The following CADM1 variants were observed in gnomAD, a reference collection of about 807,000 sequenced individuals.
CADM1 encodes the protein cell adhesion molecule 1.
A neutral mutation model predicts 53.1 loss-of-function variants in CADM1; 15 were observed. The observed-to-expected ratio is 0.28, with a 90% confidence interval of 0.19 to 0.44. The LOEUF (loss-of-function observed/expected upper bound fraction) is 0.44. Among genes scored for constraint, CADM1 ranks in the 20% least tolerant of loss-of-function variants. The probability of loss-of-function intolerance (pLI) is 1.00; values close to 1 mark genes in which losing one functional copy is unlikely to be tolerated. For missense variants in CADM1, 434 were observed against 611.3 expected, an observed-to-expected ratio of 0.71 and a Z score of 3.06; for synonymous variants, 281 against 243.0, an observed-to-expected ratio of 1.16 and a Z score of -1.45.
chr11:115,452,842 A>G (rs1422655636), intron 1 of CADM1, among the ~76,000 whole-genome samples: 4 of 152,186 alleles, frequency 2.6e-5, no homozygotes, highest in African/African-American at 7.2e-5. Flanking sequence ...GGTAAAATCT[A>G]TTATACTTTG....
intron 1 of CADM1, chr11:115,240,936 T>TGTGA (rs1435778659): frequency 6.1e-6 from 1 of 162,926 alleles, no homozygotes; most frequent in African/African-American, 2.4e-5. Context: ...GTTCATCGTG[T>TGTGA]GTGAGTGAGT....
chr11:115,328,197 C>A, intron 1 of CADM1, among the ~76,000 whole-genome samples: 1 of 151,928 alleles, frequency 6.6e-6, no homozygotes, highest in Non-Finnish European at 1.5e-5. Context: ...GAACGAAAAT[C>A]CAAATTAACC....
chr11:115,299,167 C>T lies in CADM1; in HGVS notation c.125-58747G>A, dbSNP rs573795370. ...TGGGCCTGACTGCCCGTGAAGTTCA[C>T]TGCTATTGCAGTGCTAAATGGGCAT... On this transcript the variant is annotated intron_variant, in intron 1 of 11. Transcript: ENST00000331581. 9.2e-5 allele frequency among the ~76,000 whole-genome samples: 14 copies of T among 152,316 alleles called. No homozygotes were observed. In the South Asian group the frequency reaches 2.7e-3, roughly 29 times the overall value.
At position 115,349,947 on chromosome 11, in the gene CADM1, C is replaced by T. The variant is rs149639178; in HGVS notation, c.125-109527G>A. Among the ~76,000 whole-genome samples the T allele has an allele frequency of 3.0e-3, 461 of 152,228 alleles. 3 individuals carry two copies. The highest frequency in any genetic ancestry group is 0.01 in the African/African-American group (436 of 41,554). ...AATTAGTCTTCATTTGTTTCATAGC[C>T]TTACCATCTTTTTCTTTGTTTGTTT... On this transcript the variant is annotated intron_variant, in intron 1 of 11. Transcript: ENST00000331581.
chr11:115,176,398 G>A lies in CADM1; in HGVS notation c.*76C>T, dbSNP rs898686354. 9.4e-6 allele frequency: 15 copies of A among 1,599,984 alleles called. No homozygotes were observed. The highest frequency in any genetic ancestry group is 1.7e-5 in the Admixed American group (1 of 59,498). ...TCATAAAAAAACACACGAATTTCTC[G>A]CAAGTTCCAATATCACTGTCTCTTT... On this transcript the variant is annotated 3_prime_UTR_variant, in exon 12 of 12. Transcript: ENST00000331581.
chr11:115,253,350 G>A (rs1942668629), intron 1 of CADM1, among the ~76,000 whole-genome samples: 1 of 152,128 alleles, frequency 6.6e-6, no homozygotes, highest in African/African-American at 2.4e-5. Flanking sequence ...CAGGTATTGA[G>A]ACCTTTCCTG....
At chr11:115,254,829 T>G (rs1942730037) in intron 1 of CADM1, among the ~76,000 whole-genome samples, 1 of 152,304 alleles carries the variant, frequency 6.6e-6, no homozygotes, top group African/African-American at 2.4e-5. Context: ...AGATATTGAA[T>G]GACATTGCAT....
At chr11:115,438,247 C>G (rs566635306) in intron 1 of CADM1, among the ~76,000 whole-genome samples, 1 of 152,198 alleles carries the variant, frequency 6.6e-6, no homozygotes, top group Admixed American at 6.5e-5. Flanking sequence ...TCTGCTTGGT[C>G]CATTTTGGGA....
chr11:115,431,740 G>A (rs1187186711), intron 1 of CADM1, among the ~76,000 whole-genome samples: 2 of 151,852 alleles, frequency 1.3e-5, no homozygotes, highest in African/African-American at 4.8e-5. Context: ...GGTCACACCA[G>A]CCCTTCATAT....
chr11:115,356,542 T>C (rs1448061556), intron 1 of CADM1, among the ~76,000 whole-genome samples: 4 of 152,114 alleles, frequency 2.6e-5, no homozygotes, highest in Non-Finnish European at 5.9e-5. Flanking sequence ...TAGGGGAATG[T>C]CAGTGAATGA....
intron 1 of CADM1, among the ~76,000 whole-genome samples, chr11:115,490,195 TGTTATACCATTGTAA>T (rs1949461302): frequency 6.6e-6 from 1 of 152,152 alleles, no homozygotes; most frequent in Non-Finnish European, 1.5e-5. Context: ...ATTAAGGGGC[TGTTATACCATTGTAA>T]GTCTACTTTC....
chr11:115,317,983 TACAC>T (rs35753948), intron 1 of CADM1, among the ~76,000 whole-genome samples: 28,272 of 148,848 alleles, frequency 0.19, 3,315 homozygotes, highest in East Asian at 0.57. Context: ...TATTACACAC[TACAC>T]ACACACACAC....
intron 1 of CADM1, among the ~76,000 whole-genome samples, chr11:115,448,084 C>T (rs2135341765): frequency 6.6e-6 from 1 of 152,286 alleles, no homozygotes; most frequent in South Asian, 2.1e-4. Flanking sequence ...CCTCTCTCGA[C>T]TGCACACAGA....
intron 1 of CADM1, among the ~76,000 whole-genome samples, chr11:115,281,938 G>T (rs2135080591): frequency 6.6e-6 from 1 of 151,756 alleles, no homozygotes; most frequent in Non-Finnish European, 1.5e-5. Context: ...TTTTTTGTTA[G>T]GTGTCCTTCT....
chr11:115,186,474 C>T (rs1939557376), intron 10 of CADM1, among the ~76,000 whole-genome samples: 1 of 152,124 alleles, frequency 6.6e-6, no homozygotes, highest in South Asian at 2.1e-4. Context: ...AGAGGATTAC[C>T]AAAGGCTCCA....
At chr11:115,177,561 T>G (rs538616079) in intron 11 of CADM1, among the ~76,000 whole-genome samples, 1 of 151,972 alleles carries the variant, frequency 6.6e-6, no homozygotes, top group Admixed American at 6.5e-5. Flanking sequence ...GTCAAACGCT[T>G]CTCAGTATCC....
At chr11:115,455,587 G>T (rs1948666709) in intron 1 of CADM1, among the ~76,000 whole-genome samples, 1 of 152,186 alleles carries the variant, frequency 6.6e-6, no homozygotes, top group Non-Finnish European at 1.5e-5. Context: ...CTCTGAATAT[G>T]CCAGGAAAGT....
At chr11:115,206,017 A>G (rs1421742453) in intron 8 of CADM1, among the ~76,000 whole-genome samples, 5 of 152,186 alleles carry the variant, frequency 3.3e-5, no homozygotes, top group Admixed American at 2.6e-4. Flanking sequence ...CCTACCAAAC[A>G]TCACAGCTTA....
At chr11:115,478,588 A>G (rs977149864) in intron 1 of CADM1, among the ~76,000 whole-genome samples, 11 of 152,100 alleles carry the variant, frequency 7.2e-5, no homozygotes, top group Admixed American at 2.6e-4. Context: ...TCTAATTACC[A>G]AGGTAACCCA....
Sources: gnomAD v4.1 joint callset for allele counts (sites outside exome capture counted in the v4.1 genomes callset) on GRCh38, gnomAD v4.1.1 for gene constraint, MANE v1.5 for transcripts, NCBI Gene and HGNC (gene_info 2026-07-23, HGNC 2026-07-21) for gene names.